Variants in COG3 observed in about 807,000 individuals in gnomAD.
The protein encoded by COG3 is conserved oligomeric Golgi complex subunit 3.
A neutral mutation model predicts 114.1 loss-of-function variants in COG3; 32 were observed. The observed-to-expected ratio is 0.28, with a 90% CI of 0.21 to 0.38. The LOEUF is 0.38. Ranked by LOEUF, COG3 falls within the 10% of genes least tolerant of loss-of-function variation. The pLI, the probability that COG3 is intolerant of heterozygous loss-of-function variation, is 1.00. For missense variants in COG3, 813 were observed against 973.2 expected, an observed-to-expected ratio of 0.84 and a Z score of 2.19; for synonymous variants, 352 against 365.7, an observed-to-expected ratio of 0.96 and a Z score of 0.43.
chr13:45,505,854 C>T (rs1339915256), intron 14 of COG3, among the ~76,000 whole-genome samples: 1 of 152,108 alleles, frequency 6.6e-6, no homozygotes, highest in Non-Finnish European at 1.5e-5. Context: ...CTTGGCCTCC[C>T]AAAGTGCTAG....
At chr13:45,484,577 C>CTTATTTATTTAT (rs200717475) in intron 7 of COG3, among the ~76,000 whole-genome samples, 1 of 137,314 alleles carries the variant, frequency 7.3e-6, no homozygotes, top group Admixed American at 6.9e-5. Flanking sequence ...CCTAAGCTTG[C>CTTATTTATTTAT]TTATTTATTT....
chr13:45,476,042 C>T (rs2137787574), intron 1 of COG3, among the ~76,000 whole-genome samples, 159 bp from the exon 2 acceptor site: 1 of 151,500 alleles, frequency 6.6e-6, no homozygotes, highest in Admixed American at 6.6e-5. Context: ...TAATATAGAG[C>T]CTAAAATGTT....
At chr13:45,528,690 C>A (rs1872905257) in intron 20 of COG3, among the ~76,000 whole-genome samples, 1 of 152,032 alleles carries the variant, frequency 6.6e-6, no homozygotes, top group Non-Finnish European at 1.5e-5. Flanking sequence ...TGCTATTTCA[C>A]TTCTTATATA....
In COG3 at chr13:45,481,291, A is replaced by T; in HGVS notation, c.611A>T (p.Glu204Val). The change falls in exon 5 of 23, where the codon GAA (glutamate) becomes GTA (valine). Residue 204 changes from glutamate (E) to valine (V), a missense_variant. Glu to Val is a moderately radical substitution (Grantham distance 121). Transcript: ENST00000349995. ...QQKLSYFNEL[E>V]TINTKLNSPT... ...AAGCTTTCCTATTTTAACGAATTGG[A>T]AACTATTAACACAGTAAGCATTGTT... The T allele has an allele frequency of 6.4e-7, 1 of 1,568,140 alleles. No homozygotes were observed. The highest frequency in any genetic ancestry group is 8.8e-7 in the Non-Finnish European group (1 of 1,141,188).
chr13:45,529,330 T>C (rs938605399), intron 20 of COG3, among the ~76,000 whole-genome samples: 9 of 152,182 alleles, frequency 5.9e-5, no homozygotes, highest in Non-Finnish European at 1.5e-5. Context: ...ATATAACAAA[T>C]AGATATTTAA....
intron 1 of COG3, among the ~76,000 whole-genome samples, chr13:45,471,060 A>G (rs992601993): frequency 3.9e-5 from 6 of 152,334 alleles, no homozygotes; most frequent in East Asian, 3.9e-4. Context: ...AATTAGTCAC[A>G]GCCTACCTCT....
chr13:45,534,639 T>C, intron 22 of COG3, 63 bp from the exon 23 acceptor site: 1 of 1,301,210 alleles, frequency 7.7e-7, no homozygotes, highest in Admixed American at 2.3e-5. Flanking sequence ...CCTCCCTCCT[T>C]GACTTTTCTT....
At chr13:45,479,168 A>G (rs1223864394) in intron 3 of COG3, 102 bp downstream of exon 3, 1 of 817,346 alleles carries the variant, frequency 1.2e-6, no homozygotes, top group African/African-American at 1.7e-5. Flanking sequence ...AGGTATTAAG[A>G]AAACTGTAAC....
intron 7 of COG3, among the ~76,000 whole-genome samples, chr13:45,484,939 T>C (rs1229405765): frequency 6.9e-6 from 1 of 145,288 alleles, no homozygotes; most frequent in Non-Finnish European, 1.5e-5. Context: ...ATCAACAGGA[T>C]CCCAAGGCAG....
chr13:45,465,438 C>G (rs1885078006), intron 1 of COG3: 1 of 657,878 alleles, frequency 1.5e-6, no homozygotes, highest in Non-Finnish European at 2.4e-6. Flanking sequence ...GGGTGTCCTG[C>G]AGCTGGTGCT....
chr13:45,497,192 G>T (rs546913017), intron 13 of COG3, among the ~76,000 whole-genome samples: 1 of 152,140 alleles, frequency 6.6e-6, no homozygotes, highest in South Asian at 2.1e-4. Context: ...AAATTATACC[G>T]TACAAGTGTC....
In COG3 at chr13:45,519,061, G is replaced by C; in HGVS notation, c.2121G>C (p.Leu707=). 1 of 1,614,194 alleles carries C rather than the reference G, an allele frequency of 6.2e-7. No homozygotes were observed. The highest frequency in any genetic ancestry group is 2.2e-5 in the East Asian group (1 of 44,890). Residue 707 remains leucine, a synonymous_variant, in exon 19 of 23, where the codon CTG becomes CTC. Coordinates refer to ENST00000349995, the MANE Select transcript of COG3 (RefSeq NM_031431.4). ...AGTTTATTCAGCAGCAGACCAAGCT[G>C]TTTGTAGAACAGCTGGAGGAGTTCA... ...CEQFIQQQTK[L]FVEQLEEFMT... is the part of the protein sequence containing the mutation.
At chr13:45,475,084 C>G (rs1198115755) in intron 1 of COG3, among the ~76,000 whole-genome samples, 1 of 152,178 alleles carries the variant, frequency 6.6e-6, no homozygotes, top group African/African-American at 2.4e-5. Context: ...CTCTAAAATT[C>G]TTCCTATTCA....
intron 14 of COG3, among the ~76,000 whole-genome samples, chr13:45,508,054 G>A (rs1216456724): frequency 2.2e-4 from 22 of 102,136 alleles, no homozygotes; most frequent in African/African-American, 8.6e-4. Flanking sequence ...AGGTGACAGA[G>A]CCTAGGTCCA....
intron 15 of COG3, among the ~76,000 whole-genome samples, chr13:45,511,104 T>C (rs992771059): frequency 1.3e-5 from 2 of 151,426 alleles, no homozygotes; most frequent in Non-Finnish European, 2.9e-5. Flanking sequence ...TCTGGGAAGA[T>C]AGTAATGGCA....
chr13:45,470,030 A>C (rs190813882), intron 1 of COG3, among the ~76,000 whole-genome samples: 13 of 152,322 alleles, frequency 8.5e-5, no homozygotes, highest in Middle Eastern at 3.4e-3. Flanking sequence ...TTTCACTTAA[A>C]TATTCTGTAT....
intron 19 of COG3, 145 bp from the exon 20 acceptor site, chr13:45,524,831 G>T (rs1255474323): frequency 2.1e-5 from 11 of 517,528 alleles, no homozygotes; most frequent in South Asian, 3.2e-5. Flanking sequence ...TTTTTTTTAG[G>T]GCTGCACATT....
chr13:45,505,904 TC>T (rs1029092610), intron 14 of COG3, among the ~76,000 whole-genome samples: 7 of 152,096 alleles, frequency 4.6e-5, no homozygotes, highest in Non-Finnish European at 1.0e-4. Flanking sequence ...CTCTTTTTAC[TC>T]TTTTTTTGGA....
intron 16 of COG3, among the ~76,000 whole-genome samples, chr13:45,515,709 A>G (rs7333893): frequency 0.037 from 5,653 of 152,290 alleles, 346 homozygotes; most frequent in African/African-American, 0.13. Context: ...AGATATTGAA[A>G]CCACTTTGAC....
Sources: gnomAD v4.1 joint callset for allele counts (sites outside exome capture counted in the v4.1 genomes callset) on GRCh38, gnomAD v4.1.1 for gene constraint, MANE v1.5 for transcripts, NCBI Gene and HGNC (gene_info 2026-07-23, HGNC 2026-07-21) for gene names.